The following PHLDB2 variants were observed in gnomAD, a reference collection of about 807,000 sequenced individuals.
PHLDB2 encodes pleckstrin homology-like domain family B member 2.
In PHLDB2, 71 loss-of-function variants were observed where a neutral mutation model predicts 123.6. The observed-to-expected ratio is 0.57, with a 90% CI of 0.47 to 0.70. PHLDB2 has a LOEUF of 0.70. Ranked by LOEUF, PHLDB2 falls within the 30% of genes least tolerant of loss-of-function variation. The probability of loss-of-function intolerance (pLI) is 0.00; values close to 1 mark genes in which losing one functional copy is unlikely to be tolerated. For missense variants in PHLDB2, 1,446 were observed against 1,519.5 expected, an observed-to-expected ratio of 0.95 and a Z score of 0.80; for synonymous variants, 547 against 541.6, an observed-to-expected ratio of 1.01 and a Z score of -0.14.
intron 3 of PHLDB2, chr3:111,917,419 AG>A (rs2068243644): frequency 6.6e-6 from 1 of 152,208 alleles, no homozygotes; most frequent in African/African-American, 2.4e-5. Flanking sequence ...CCATTTTGGA[AG>A]TAGAAACCTA....
intron 2 of PHLDB2, among the ~76,000 whole-genome samples, chr3:111,905,225 A>G (rs878899751): frequency 1.3e-5 from 2 of 152,186 alleles, no homozygotes; most frequent in Admixed American, 6.5e-5. Flanking sequence ...GCTGTTGACT[A>G]CTATTTTGTT....
intron 1 of PHLDB2, among the ~76,000 whole-genome samples, chr3:111,745,583 G>A (rs972730645): frequency 6.6e-6 from 1 of 152,060 alleles, no homozygotes; most frequent in African/African-American, 2.4e-5. Context: ...AAACAGGCAA[G>A]ACACCGTCTC....
chr3:111,939,395 G>A lies in PHLDB2; in HGVS notation c.2131-80G>A, dbSNP rs1457837370. 1.2e-5 allele frequency: 17 copies of A among 1,419,988 alleles called. No individual in the cohort carries two copies. The East Asian group carries it at 3.9e-4, about 33-fold the overall frequency. The allele number at this position is 1,419,988 out of a possible 1,614,324, so 88.0% of individuals were successfully genotyped here. A position where few individuals can be genotyped will look rare whatever the true frequency, so the allele number is the denominator to read the frequency against. ...ACTGGAAAGATATCTTGGACCAACT[G>A]CTTTTAATAAATGTTTCTTCACATT... On this transcript the variant is annotated intron_variant, in intron 6 of 17. Coordinates refer to ENST00000431670, the MANE Select transcript of PHLDB2 (RefSeq NM_001134438.2).
chr3:111,837,666 G>A (rs1421319018), intron 1 of PHLDB2, among the ~76,000 whole-genome samples: 1 of 152,124 alleles, frequency 6.6e-6, no homozygotes, highest in African/African-American at 2.4e-5. Context: ...GACATTCTGT[G>A]GGACACAATT....
chr3:111,971,754 G>A (rs564331511), intron 16 of PHLDB2, among the ~76,000 whole-genome samples: 1 of 152,270 alleles, frequency 6.6e-6, no homozygotes, highest in Admixed American at 6.5e-5. Flanking sequence ...CCTTCTGTCT[G>A]TCAGTGAGGG....
intron 2 of PHLDB2, among the ~76,000 whole-genome samples, chr3:111,896,941 T>C (rs908557611): frequency 1.3e-5 from 2 of 152,176 alleles, no homozygotes; most frequent in African/African-American, 4.8e-5. Context: ...TTCAAAGGGA[T>C]CCTGTGTATC....
intron 10 of PHLDB2, among the ~76,000 whole-genome samples, chr3:111,950,154 C>T (rs1290936464): frequency 6.6e-6 from 1 of 152,100 alleles, no homozygotes; most frequent in Non-Finnish European, 1.5e-5. Flanking sequence ...TACCATTCAA[C>T]CAAAATATTG....
intron 2 of PHLDB2, among the ~76,000 whole-genome samples, chr3:111,899,822 T>C (rs1260732344): frequency 6.6e-6 from 1 of 152,154 alleles, no homozygotes; most frequent in East Asian, 1.9e-4. Flanking sequence ...CCCAGGCTGG[T>C]GTTGAGCTCC....
chr3:111,920,540 A>G, intron 5 of PHLDB2, 121 bp downstream of exon 5: 1 of 1,228,098 alleles, frequency 8.1e-7, no homozygotes, highest in Non-Finnish European at 1.1e-6. Context: ...TCCTGGAGGC[A>G]GTGGCACTAG....
At chr3:111,960,030 T>A in intron 12 of PHLDB2, 1 of 265,360 alleles carries the variant, frequency 3.8e-6, no homozygotes, top group Non-Finnish European at 5.8e-6. Context: ...GAAACTTTTC[T>A]ATGCCACAAG....
At position 111,962,292 on chromosome 3, in the gene PHLDB2, C is replaced by T; in HGVS notation, c.3057C>T (p.Cys1019=). ...GCATGGAGACCAGCATCTCTGCTTG[C>T]TCACCAGACAACATCTCTAGGTAAG... ...SDSMETSISA[C]SPDNISSAST... is the part of the protein sequence containing the mutation. Residue 1019 remains cysteine (C), a synonymous_variant, in exon 13 of 18, where the codon TGC becomes TGT. Transcript: ENST00000431670. 5 of 1,588,438 alleles carry T rather than the reference C, an allele frequency of 3.1e-6. No individual in the cohort carries two copies. Among genetic ancestry groups the T allele is most frequent in the Non-Finnish European group, 4.3e-6 (5 of 1,173,494 alleles).
chr3:111,878,267 C>T (rs2065749812), intron 1 of PHLDB2, among the ~76,000 whole-genome samples: 2 of 152,192 alleles, frequency 1.3e-5, no homozygotes, highest in South Asian at 4.1e-4. Context: ...AGGTTCTTCA[C>T]ATCCCTTGTA....
At chr3:111,882,010 A>C (rs2065953927) in intron 1 of PHLDB2, among the ~76,000 whole-genome samples, 1 of 152,190 alleles carries the variant, frequency 6.6e-6, no homozygotes, top group Non-Finnish European at 1.5e-5. Context: ...GGTGTTGTAA[A>C]AAAGCTGCCC....
chr3:111,822,911 A>G (rs2062474271), intron 1 of PHLDB2, among the ~76,000 whole-genome samples: 1 of 152,242 alleles, frequency 6.6e-6, no homozygotes, highest in East Asian at 1.9e-4. Flanking sequence ...GCACATAATT[A>G]TAACATGTCT....
chr3:111,877,900 G>T (rs921886454), intron 1 of PHLDB2, among the ~76,000 whole-genome samples: 2 of 151,946 alleles, frequency 1.3e-5, no homozygotes, highest in Admixed American at 6.6e-5. Flanking sequence ...TATTTCTGAG[G>T]TCTCTGTTCT....
intron 1 of PHLDB2, among the ~76,000 whole-genome samples, chr3:111,782,455 A>G (rs963479590): frequency 6.6e-6 from 1 of 152,142 alleles, no homozygotes; most frequent in Admixed American, 6.6e-5. Context: ...CAAAAGCTCA[A>G]GCTTGAGCTT....
At chr3:111,874,386 T>C (rs1417155238) in intron 1 of PHLDB2, among the ~76,000 whole-genome samples, 1 of 152,240 alleles carries the variant, frequency 6.6e-6, no homozygotes, top group African/African-American at 2.4e-5. Context: ...TCTTACCGTA[T>C]GTCTCCCAAT....
At position 111,940,993 on chromosome 3, in the gene PHLDB2, T is replaced by C. The variant is rs561353748; in HGVS notation, c.2397+348T>C. Among the ~76,000 whole-genome samples, 7 of 152,378 alleles carry C rather than the reference T, an allele frequency of 4.6e-5. No homozygotes were observed. The East Asian group carries it at 1.3e-3, about 29-fold the overall frequency. On this transcript the variant is annotated intron_variant, in intron 8 of 17. Coordinates refer to ENST00000431670, the MANE Select transcript of PHLDB2 (RefSeq NM_001134438.2). Reference sequence around the variant, plus strand: ...TTCTAACACCAATTTAGGGTGGACTTAAGGAAAAATGTCCTTTTTACTACT... The same window carrying C: ...TTCTAACACCAATTTAGGGTGGACTCAAGGAAAAATGTCCTTTTTACTACT...
In PHLDB2 at chr3:111,913,592, A is replaced by G; in HGVS notation, c.1609A>G (p.Ser537Gly). Residue 537 changes from serine (S) to glycine (G), a missense_variant, in exon 3 of 18, where the codon AGC becomes GGC. Around this residue, in one of 3 missense-constraint regions of PHLDB2, gnomAD observed 832 missense variants for 831.9 expected, o/e 1.00. Transcript: ENST00000431670. Reference sequence around the variant, plus strand: ...CAGTGCCAGCTTCTTTACCCCCAGGAGCACCAGGAATGATGAACTACTCAG... The same window carrying G: ...CAGTGCCAGCTTCTTTACCCCCAGGGGCACCAGGAATGATGAACTACTCAG... ...QSSASFFTPR[S>G]TRNDELLSDL... The G allele has an allele frequency of 1.2e-6, 2 of 1,614,142 alleles. No homozygotes were observed. The highest frequency in any genetic ancestry group is 1.7e-6 in the Non-Finnish European group (2 of 1,180,022).
Sources: gnomAD v4.1 joint callset for allele counts (sites outside exome capture counted in the v4.1 genomes callset) on GRCh38, gnomAD v4.1.1 for gene constraint, gnomAD v4.1.1 regional missense constraint, MANE v1.5 for transcripts, NCBI Gene and HGNC (gene_info 2026-07-23, HGNC 2026-07-21) for gene names.